NEGR1: variants seen among roughly 807,000 people sequenced by gnomAD.
NEGR1 encodes the protein IgLON family member 4.
A neutral mutation model predicts 40.9 loss-of-function variants in NEGR1; 10 were observed. That is an observed-to-expected ratio of 0.24 (90% CI 0.15 to 0.42). The LOEUF (loss-of-function observed/expected upper bound fraction) is 0.42, where lower values mean the gene tolerates loss of function less well. Among genes scored for constraint, NEGR1 ranks in the 10% least tolerant of loss-of-function variants. The pLI is 1.00. For missense variants in NEGR1, 352 were observed against 438.9 expected (o/e 0.80, Z 1.77); for synonymous variants, 185 against 166.8 (o/e 1.11, Z -0.84).
intron 3 of NEGR1, among the ~76,000 whole-genome samples, chr1:71,704,163 TCACACACACACACACA>T (rs3077140): frequency 4.9e-5 from 7 of 142,122 alleles, no homozygotes; most frequent in African/African-American, 7.6e-5. Flanking sequence ...TCTCTCTCTG[TCACACACACACACACA>T]CACACACACA....
At position 71,999,682 on chromosome 1, in the gene NEGR1, T is replaced by TATATATATATAC. The variant is rs1317765700; in HGVS notation, c.177-64372_177-64371insGTATATATATAT. 1.6e-3 allele frequency among the ~76,000 whole-genome samples: 143 copies of TATATATATATAC among 91,668 alleles called. 12 individuals are homozygous for TATATATATATAC. Among genetic ancestry groups the TATATATATATAC allele is most frequent in the Admixed American group, 2.8e-3 (21 of 7,602 alleles). The allele number at this position is 91,668 out of a possible 152,430, so 60.1% of individuals were successfully genotyped here. ...ATATATATATATATATATATATACA[T>TATATATATATAC]ACATATTTTTGTCCGGTCTCGGAGC... On this transcript the variant is annotated intron_variant, in intron 1 of 6. Transcript: ENST00000357731.
intron 6 of NEGR1, among the ~76,000 whole-genome samples, chr1:71,435,681 C>T (rs1414673434): frequency 2.0e-5 from 3 of 152,174 alleles, no homozygotes; most frequent in African/African-American, 7.2e-5. Context: ...GCTGCCAACC[C>T]CTGAGCCTTG....
At chr1:72,124,932 G>C (rs1480769371) in intron 1 of NEGR1, among the ~76,000 whole-genome samples, 1 of 151,946 alleles carries the variant, frequency 6.6e-6, no homozygotes, top group Non-Finnish European at 1.5e-5. Context: ...TTTAAAGTGA[G>C]TAGTATTTTT....
chr1:71,844,900 A>AG (rs1659355140), intron 2 of NEGR1, among the ~76,000 whole-genome samples: 2 of 152,170 alleles, frequency 1.3e-5, no homozygotes. Context: ...AGGCCTGCCC[A>AG]GGGGGACTAT....
chr1:71,788,774 A>G (rs565323437), intron 2 of NEGR1, among the ~76,000 whole-genome samples: 20 of 151,724 alleles, frequency 1.3e-4, no homozygotes, highest in African/African-American at 4.6e-4. Flanking sequence ...TAGGAAGGCT[A>G]CTCTCAAAAG....
chr1:72,109,566 T>C (rs1266004460), intron 1 of NEGR1, among the ~76,000 whole-genome samples: 4 of 151,716 alleles, frequency 2.6e-5, no homozygotes, highest in African/African-American at 7.2e-5. Context: ...CCTTTTCATA[T>C]TCCAAAAGTA....
At chr1:72,255,315 T>C (rs920221888) in intron 1 of NEGR1, among the ~76,000 whole-genome samples, 3 of 152,192 alleles carry the variant, frequency 2.0e-5, no homozygotes, top group African/African-American at 4.8e-5. Flanking sequence ...CAAATCTTAA[T>C]TCAGAATTCA....
intron 4 of NEGR1, among the ~76,000 whole-genome samples, chr1:71,623,870 T>C (rs896600994): frequency 2.6e-5 from 4 of 151,848 alleles, no homozygotes; most frequent in East Asian, 1.9e-4. Flanking sequence ...CTCTGCCTAA[T>C]AGCAAAAGTA....
chr1:71,408,461 G>C (rs549240973), intron 6 of NEGR1, among the ~76,000 whole-genome samples: 2 of 152,002 alleles, frequency 1.3e-5, no homozygotes, highest in African/African-American at 4.8e-5. Flanking sequence ...AAGTTCACAT[G>C]GTACTTGGCT....
chr1:71,588,710 T>C (rs1478865352), intron 6 of NEGR1, among the ~76,000 whole-genome samples: 3 of 152,170 alleles, frequency 2.0e-5, no homozygotes, highest in Non-Finnish European at 2.9e-5. Context: ...GTTGTCTTCA[T>C]GTTAAATCAA....
intron 5 of NEGR1, among the ~76,000 whole-genome samples, chr1:71,596,274 A>G (rs1649710732): frequency 6.6e-6 from 1 of 152,174 alleles, no homozygotes. Context: ...CCACATCGAG[A>G]ACCATAACTC....
intron 1 of NEGR1, among the ~76,000 whole-genome samples, chr1:71,940,562 T>C (rs1645949446): frequency 6.6e-6 from 1 of 152,206 alleles, no homozygotes; most frequent in African/African-American, 2.4e-5. Context: ...GCTAACAATA[T>C]TTAATTCTTT....
intron 4 of NEGR1, among the ~76,000 whole-genome samples, chr1:71,618,950 C>T (rs1650527885): frequency 6.6e-6 from 1 of 152,064 alleles, no homozygotes; most frequent in African/African-American, 2.4e-5. Flanking sequence ...TATTCTACAT[C>T]ATAGGTTATG....
At chr1:71,493,916 A>G (rs2101389907) in intron 6 of NEGR1, among the ~76,000 whole-genome samples, 1 of 152,272 alleles carries the variant, frequency 6.6e-6, no homozygotes, top group South Asian at 2.1e-4. Flanking sequence ...TCCTTTCTTT[A>G]GCATCTCCTT....
intron 1 of NEGR1, among the ~76,000 whole-genome samples, chr1:72,046,381 G>C (rs982173933): frequency 6.6e-6 from 1 of 151,414 alleles, no homozygotes; most frequent in Non-Finnish European, 1.5e-5. Context: ...TATTTTTTGA[G>C]GAAAAGTATA....
intron 1 of NEGR1, among the ~76,000 whole-genome samples, chr1:72,223,450 G>A (rs552895200): frequency 6.6e-6 from 1 of 152,298 alleles, no homozygotes; most frequent in Admixed American, 6.5e-5. Flanking sequence ...TTTGGATAAT[G>A]TTATTATACT....
At chr1:71,713,549 G>C (rs548294278) in intron 3 of NEGR1, among the ~76,000 whole-genome samples, 1 of 152,282 alleles carries the variant, frequency 6.6e-6, no homozygotes, top group East Asian at 1.9e-4. Context: ...TTGGAAAATA[G>C]TTTTGTTACA....
intron 6 of NEGR1, among the ~76,000 whole-genome samples, chr1:71,581,245 G>A (rs540652737): frequency 2.0e-5 from 3 of 152,170 alleles, no homozygotes; most frequent in African/African-American, 7.2e-5. Flanking sequence ...CATGGAAACC[G>A]GCAAATGGTC....
In NEGR1 at chr1:71,982,834, T is replaced by C. The variant is rs141555259; in HGVS notation, c.177-47523A>G. Among the ~76,000 whole-genome samples, 188 of 152,234 alleles carry C rather than the reference T, an allele frequency of 1.2e-3. 2 individuals are homozygous for C. The Middle Eastern group carries it at 0.014, about 11-fold the overall frequency. On this transcript the variant is annotated intron_variant, in intron 1 of 6. Coordinates refer to ENST00000357731, the MANE Select transcript of NEGR1 (RefSeq NM_173808.3). ...ATGAAATATAATTTATAAAACTCTA[T>C]TTCGAAGAGGAGAAATACCTGAAGG... is the stretch of plus-strand genomic sequence containing the variant.
Sources: gnomAD v4.1 joint callset for allele counts (sites outside exome capture counted in the v4.1 genomes callset) on GRCh38, gnomAD v4.1.1 for gene constraint, MANE v1.5 for transcripts, NCBI Gene and HGNC (gene_info 2026-07-23, HGNC 2026-07-21) for gene names.